The following CADM1 variants were observed in gnomAD, a reference collection of about 807,000 sequenced individuals.
CADM1 encodes the protein TSLC-1.
In CADM1, 15 loss-of-function variants were observed where a neutral mutation model predicts 53.1. That is an observed-to-expected ratio of 0.28 (90% CI 0.19 to 0.44). The LOEUF (loss-of-function observed/expected upper bound fraction) is 0.44, where lower values mean the gene tolerates loss of function less well. CADM1 is among the 20% of genes least tolerant of loss of function. The probability of loss-of-function intolerance (pLI) is 1.00; values close to 1 mark genes in which losing one functional copy is unlikely to be tolerated. For missense variants in CADM1, 434 were observed against 611.3 expected, an observed-to-expected ratio of 0.71 and a Z score of 3.06; for synonymous variants, 281 against 243.0, an observed-to-expected ratio of 1.16 and a Z score of -1.45.
intron 4 of CADM1, among the ~76,000 whole-genome samples, chr11:115,230,240 C>T (rs145948547): frequency 2.6e-5 from 4 of 152,164 alleles, no homozygotes; most frequent in East Asian, 1.9e-4. Context: ...TTTCTATATC[C>T]TCTTTCTAAA....
At position 115,472,637 on chromosome 11, in the gene CADM1, T is replaced by C. The variant is rs140216981; in HGVS notation, c.124+31634A>G. Among the ~76,000 whole-genome samples the C allele has an allele frequency of 1.0e-3, 154 of 152,362 alleles. 1 individual carries two copies. The highest frequency in any genetic ancestry group is 3.3e-3 in the East Asian group (17 of 5,188). On this transcript the variant is annotated intron_variant, in intron 1 of 11. Coordinates refer to ENST00000331581, the MANE Select transcript of CADM1 (RefSeq NM_001301043.2). Reference sequence around the variant, plus strand: ...ATTCACTGCCACAGTAGTGTCACTCTGTAACCTCTTACCAAGTTCCTTGCA... The same window carrying C: ...ATTCACTGCCACAGTAGTGTCACTCCGTAACCTCTTACCAAGTTCCTTGCA...
chr11:115,442,313 T>C (rs1337686198), intron 1 of CADM1, among the ~76,000 whole-genome samples: 2 of 152,270 alleles, frequency 1.3e-5, no homozygotes, highest in East Asian at 3.9e-4. Context: ...CTCTAAAGCT[T>C]TGGGATGTTG....
intron 1 of CADM1, among the ~76,000 whole-genome samples, chr11:115,415,066 G>A (rs147157609): frequency 4.9e-4 from 75 of 152,278 alleles, no homozygotes; most frequent in African/African-American, 1.7e-3. Context: ...GGTCTAATGA[G>A]GGAAGAGTTT....
chr11:115,196,695 C>T (rs542845154), intron 9 of CADM1, among the ~76,000 whole-genome samples: 1 of 151,172 alleles, frequency 6.6e-6, no homozygotes, highest in Non-Finnish European at 1.5e-5. Context: ...CGTCCTGGGC[C>T]GCAGGTAGCC....
At chr11:115,191,001 T>A in intron 9 of CADM1, 60 bp from the exon 10 acceptor site, 1 of 1,360,580 alleles carries the variant, frequency 7.3e-7, no homozygotes. Flanking sequence ...AACAAAACAC[T>A]TAAGAACTGA....
At chr11:115,419,697 G>C (rs1020060362) in intron 1 of CADM1, among the ~76,000 whole-genome samples, 1 of 152,100 alleles carries the variant, frequency 6.6e-6, no homozygotes, top group Admixed American at 6.6e-5. Context: ...GAGCCCCTGA[G>C]ACTCAATAAT....
intron 1 of CADM1, among the ~76,000 whole-genome samples, chr11:115,469,824 A>C (rs1948974258): frequency 6.6e-6 from 1 of 152,108 alleles, no homozygotes; most frequent in Non-Finnish European, 1.5e-5. Context: ...GGCACCCGCC[A>C]CCATGCCCAG....
At chr11:115,179,106 CTAAT>C in intron 10 of CADM1, 1 of 366,456 alleles carries the variant, frequency 2.7e-6, no homozygotes, top group Non-Finnish European at 5.3e-6. Flanking sequence ...GTTGCAGAGC[CTAAT>C]TAAGGGGGCT....
intron 1 of CADM1, among the ~76,000 whole-genome samples, chr11:115,444,814 G>A (rs973069133): frequency 6.6e-6 from 1 of 152,160 alleles, no homozygotes; most frequent in African/African-American, 2.4e-5. Context: ...AGCTTAAATA[G>A]CAAAGGTCAG....
intron 7 of CADM1, among the ~76,000 whole-genome samples, chr11:115,212,225 T>G (rs1940997036): frequency 6.6e-6 from 1 of 152,232 alleles, no homozygotes; most frequent in Non-Finnish European, 1.5e-5. Context: ...ATTCTTCATG[T>G]GTAGAAGTTG....
At chr11:115,349,296 T>A (rs1945663360) in intron 1 of CADM1, among the ~76,000 whole-genome samples, 2 of 152,182 alleles carry the variant, frequency 1.3e-5, no homozygotes, top group Admixed American at 1.3e-4. Context: ...TGAATATTTA[T>A]CCAGATTACA....
rs1456265548 is a variant in CADM1 at position 115,214,814 on chromosome 11, T to C, written c.822-34A>G. On this transcript the variant is annotated intron_variant, in intron 6 of 11. Transcript: ENST00000331581. ...GGAAGGGGAGGAAGACAAGTCACAT[T>C]ATCATTCCCCATTGCATCAAACTGC... The C allele has an allele frequency of 1.9e-6, 3 of 1,606,642 alleles. No homozygotes were observed. The African/African-American group carries it at 4.0e-5, about 21-fold the overall frequency.
rs202239769 is a variant in CADM1 at position 115,340,383 on chromosome 11, G to C, written c.125-99963C>G. 10 of 151,452 alleles carry C rather than the reference G, an allele frequency of 6.6e-5. No homozygotes were observed. In the East Asian group the frequency reaches 1.9e-3, roughly 29 times the overall value. The allele number at this position is 151,452 out of a possible 1,614,324, so 9.4% of individuals were successfully genotyped here. A position where few individuals can be genotyped will look rare whatever the true frequency, so the allele number is the denominator to read the frequency against. Reference sequence around the variant, plus strand: ...TTTAAGGAAATACAAAATCTTTCATGACAATCTCTTTTAGGATGTGTCTTT... The same window carrying C: ...TTTAAGGAAATACAAAATCTTTCATCACAATCTCTTTTAGGATGTGTCTTT... On this transcript the variant is annotated intron_variant, in intron 1 of 11. Coordinates refer to ENST00000331581, the MANE Select transcript of CADM1 (RefSeq NM_001301043.2).
chr11:115,299,123 G>A (rs557871308), intron 1 of CADM1, among the ~76,000 whole-genome samples: 1 of 152,014 alleles, frequency 6.6e-6, no homozygotes, highest in Non-Finnish European at 1.5e-5. Flanking sequence ...ATTTAGAACT[G>A]GAAGGAAACA....
At chr11:115,449,432 C>T (rs1360727797) in intron 1 of CADM1, among the ~76,000 whole-genome samples, 2 of 152,180 alleles carry the variant, frequency 1.3e-5, no homozygotes, top group African/African-American at 4.8e-5. Context: ...AACCAATAAG[C>T]CACCTTCATT....
intron 1 of CADM1, among the ~76,000 whole-genome samples, chr11:115,276,615 T>G (rs1169868613): frequency 6.6e-6 from 1 of 152,196 alleles, no homozygotes; most frequent in East Asian, 1.9e-4. Context: ...TATTTTTGTG[T>G]TCTCATTACA....
At chr11:115,337,763 T>G (rs576051143) in intron 1 of CADM1, among the ~76,000 whole-genome samples, 2 of 152,186 alleles carry the variant, frequency 1.3e-5, no homozygotes, top group Non-Finnish European at 2.9e-5. Context: ...CATGGAGTAG[T>G]GATAATAATG....
chr11:115,233,980 C>G (rs1252467285), intron 3 of CADM1, among the ~76,000 whole-genome samples: 1 of 152,206 alleles, frequency 6.6e-6, no homozygotes, highest in Non-Finnish European at 1.5e-5. Context: ...CTTTGATGCT[C>G]CCTCTGTGGA....
intron 1 of CADM1, among the ~76,000 whole-genome samples, chr11:115,355,577 A>G (rs1945845365): frequency 6.6e-6 from 1 of 152,146 alleles, no homozygotes; most frequent in African/African-American, 2.4e-5. Flanking sequence ...CGTAAGTTTA[A>G]CCATATTACA....
Sources: gnomAD v4.1 joint callset for allele counts (sites outside exome capture counted in the v4.1 genomes callset) on GRCh38, gnomAD v4.1.1 for gene constraint, MANE v1.5 for transcripts, NCBI Gene and HGNC (gene_info 2026-07-23, HGNC 2026-07-21) for gene names.